The following SOX6 variants were observed in gnomAD, a reference collection of about 807,000 sequenced individuals.
SOX6 encodes the protein SRY-box transcription factor 6.
A neutral mutation model predicts 97.8 loss-of-function variants in SOX6; 11 were observed. The ratio of observed to expected loss-of-function variants is 0.11; its 90% CI spans 0.07 to 0.19. The LOEUF is 0.19. SOX6 is among the 10% of genes least tolerant of loss of function. The pLI, the probability that SOX6 is intolerant of heterozygous loss-of-function variation, is 1.00. For missense variants in SOX6, 810 were observed against 1,039.5 expected, an observed-to-expected ratio of 0.78 and a Z score of 3.04; for synonymous variants, 360 against 371.4, an observed-to-expected ratio of 0.97 and a Z score of 0.35.
intron 4 of SOX6, among the ~76,000 whole-genome samples, chr11:16,595,901 A>G (rs926111741): frequency 2.6e-5 from 4 of 152,372 alleles, no homozygotes; most frequent in African/African-American, 9.6e-5. Context: ...ACTACTGTCC[A>G]TCACTATCAT....
intron 6 of SOX6, among the ~76,000 whole-genome samples, chr11:16,147,339 C>T (rs1339731426): frequency 2.0e-5 from 3 of 151,886 alleles, no homozygotes; most frequent in Admixed American, 2.0e-4. Context: ...ACATCACACA[C>T]TGGGGCCTGT....
chr11:16,162,010 T>C (rs186399776), intron 6 of SOX6, among the ~76,000 whole-genome samples: 16 of 152,304 alleles, frequency 1.1e-4, no homozygotes, highest in African/African-American at 3.4e-4. Context: ...TGCAATTATA[T>C]ATAATAGAGT....
intron 6 of SOX6, among the ~76,000 whole-genome samples, chr11:16,121,050 G>T (rs1849477930): frequency 6.6e-6 from 1 of 151,980 alleles, no homozygotes; most frequent in Admixed American, 6.6e-5. Flanking sequence ...TATATTCTCA[G>T]CATACTCTAT....
intron 2 of SOX6, among the ~76,000 whole-genome samples, chr11:16,726,761 G>A (rs1831615057): frequency 6.6e-6 from 1 of 152,082 alleles, no homozygotes; most frequent in African/African-American, 2.4e-5. Context: ...GTTGATTAGA[G>A]CAAAAACTAA....
intron 12 of SOX6, among the ~76,000 whole-genome samples, chr11:16,030,076 G>A (rs943821506): frequency 2.6e-5 from 4 of 152,040 alleles, no homozygotes; most frequent in Admixed American, 1.3e-4. Context: ...CGACTGCTTC[G>A]GGATCTGAAT....
At chr11:16,710,200 T>C (rs1288173047) in intron 3 of SOX6, among the ~76,000 whole-genome samples, 2 of 152,238 alleles carry the variant, frequency 1.3e-5, no homozygotes, top group Non-Finnish European at 2.9e-5. Context: ...AAGGGAGAGA[T>C]AGGTGTACCC....
At chr11:16,623,226 G>A (rs56222320) in intron 3 of SOX6, among the ~76,000 whole-genome samples, 50,698 of 151,892 alleles carry the variant, frequency 0.33, 9,404 homozygotes, top group Non-Finnish European at 0.42. Context: ...TCACCATGTT[G>A]GTCAGACTAG....
At chr11:16,374,922 A>G (rs895796368) in intron 1 of SOX6, among the ~76,000 whole-genome samples, 1 of 152,032 alleles carries the variant, frequency 6.6e-6, no homozygotes, top group African/African-American at 2.4e-5. Flanking sequence ...GTTATTATTG[A>G]CATTTCTATA....
chr11:16,137,795 TC>T (rs1850014047), intron 6 of SOX6, among the ~76,000 whole-genome samples: 1 of 152,072 alleles, frequency 6.6e-6, no homozygotes, highest in Admixed American at 6.6e-5. Flanking sequence ...TGGGGGCAGT[TC>T]CCCCCATCCT....
At chr11:16,698,337 T>C (rs556543675) in intron 3 of SOX6, among the ~76,000 whole-genome samples, 4 of 152,310 alleles carry the variant, frequency 2.6e-5, no homozygotes, top group Admixed American at 6.5e-5. Flanking sequence ...TTCAAACTTT[T>C]CTTCTGCAGT....
intron 7 of SOX6, among the ~76,000 whole-genome samples, chr11:16,100,290 C>T (rs1250963463): frequency 6.6e-6 from 1 of 151,582 alleles, no homozygotes. Flanking sequence ...AAAATTTGTA[C>T]ATGGAAGGTG....
intron 9 of SOX6, among the ~76,000 whole-genome samples, chr11:16,066,184 G>T (rs1018006648): frequency 3.9e-5 from 6 of 152,098 alleles, no homozygotes; most frequent in African/African-American, 1.4e-4. Context: ...ACTAGTCAGA[G>T]AAATGTAAAT....
At chr11:16,647,983 A>G (rs1849038956) in intron 3 of SOX6, among the ~76,000 whole-genome samples, 2 of 152,110 alleles carry the variant, frequency 1.3e-5, no homozygotes, top group Admixed American at 6.6e-5. Flanking sequence ...TGAAATTGGT[A>G]GTAGGTTCAA....
At chr11:16,738,249 G>GT (rs1267490475) in intron 1 of SOX6, among the ~76,000 whole-genome samples, 15 of 152,148 alleles carry the variant, frequency 9.9e-5, no homozygotes, top group African/African-American at 3.1e-4. Flanking sequence ...TTTGGTTAAG[G>GT]TTTTTGTCCT....
At chr11:16,501,067 A>T (rs760132000) in intron 4 of SOX6, among the ~76,000 whole-genome samples, 9 of 152,238 alleles carry the variant, frequency 5.9e-5, no homozygotes, top group Non-Finnish European at 1.3e-4. Flanking sequence ...CTATACCACA[A>T]GGCTACAGTA....
intron 3 of SOX6, among the ~76,000 whole-genome samples, chr11:16,288,093 T>G (rs1854804737): frequency 6.6e-6 from 1 of 152,084 alleles, no homozygotes; most frequent in Non-Finnish European, 1.5e-5. Context: ...TAACTTGATT[T>G]CACCTGAAAA....
At chr11:16,145,606 C>T (rs900369342) in intron 6 of SOX6, among the ~76,000 whole-genome samples, 11 of 152,112 alleles carry the variant, frequency 7.2e-5, no homozygotes, top group Non-Finnish European at 8.8e-5. Context: ...AAAACCCCAT[C>T]GTCTCAGCCC....
At chr11:16,634,811 G>A (rs1018450903) in intron 3 of SOX6, among the ~76,000 whole-genome samples, 34 of 146,006 alleles carry the variant, frequency 2.3e-4, no homozygotes, top group African/African-American at 7.0e-4. Context: ...CCCATGTGTC[G>A]TGGGAGGGAC....
chr11:16,584,703 G>A (rs534115554), intron 4 of SOX6, among the ~76,000 whole-genome samples: 14 of 152,156 alleles, frequency 9.2e-5, no homozygotes, highest in Non-Finnish European at 1.8e-4. Flanking sequence ...ATGCTGGGCT[G>A]AAGCTAAGCA....
Sources: gnomAD v4.1 joint callset for allele counts (sites outside exome capture counted in the v4.1 genomes callset) on GRCh38, gnomAD v4.1.1 for gene constraint, MANE v1.5 for transcripts, NCBI Gene and HGNC (gene_info 2026-07-23, HGNC 2026-07-21) for gene names.